Variants in PRIM2 observed in about 807,000 individuals in gnomAD.
PRIM2 encodes the protein DNA primase subunit 2.
Under a neutral mutation model 67.3 loss-of-function variants are expected in PRIM2, and 39 were observed. The ratio of observed to expected loss-of-function variants is 0.58; its 90% CI spans 0.45 to 0.76. The LOEUF is 0.76. PRIM2 is among the 30% of genes least tolerant of loss of function. The probability of loss-of-function intolerance (pLI) is 0.00; values close to 1 mark genes in which losing one functional copy is unlikely to be tolerated. For synonymous variants in PRIM2, 143 were observed against 198.7 expected (o/e 0.72, Z 2.36); for missense variants, 398 against 598.7 (o/e 0.66, Z 3.50).
chr6:57,596,706 T>C (rs1214336575), intron 10 of PRIM2, among the ~76,000 whole-genome samples: 2 of 142,110 alleles, frequency 1.4e-5, no homozygotes, highest in East Asian at 4.6e-4. Context: ...TTTCTTATTC[T>C]CTTAAAGTAT....
chr6:57,496,408 A>G (rs1774005354), intron 7 of PRIM2, among the ~76,000 whole-genome samples: 4 of 152,324 alleles, frequency 2.6e-5, no homozygotes, highest in South Asian at 2.1e-4. Context: ...AAGATACACA[A>G]CATGCACTAT....
At chr6:57,505,257 A>T (rs1774227290) in intron 7 of PRIM2, 1 of 152,236 alleles carries the variant, frequency 6.6e-6, no homozygotes, top group Non-Finnish European at 1.5e-5. Context: ...TCTTCCTTGA[A>T]ATAATTTTAC....
intron 3 of PRIM2, among the ~76,000 whole-genome samples, chr6:57,322,887 A>G (rs947745951): frequency 5.9e-5 from 9 of 152,172 alleles, no homozygotes; most frequent in Non-Finnish European, 1.2e-4. Context: ...GAAAGGTGCT[A>G]TAGTAGGGGT....
At chr6:57,507,287 T>C (rs1432096528) in intron 7 of PRIM2, 100 bp from the exon 8 acceptor site, 3 of 794,344 alleles carry the variant, frequency 3.8e-6, no homozygotes, top group Non-Finnish European at 5.8e-6. Flanking sequence ...TTTTAAGTAT[T>C]GCCTCCCTAT....
intron 10 of PRIM2, among the ~76,000 whole-genome samples, chr6:57,550,855 A>G (rs1215895111): frequency 3.9e-5 from 6 of 152,262 alleles, no homozygotes; most frequent in African/African-American, 1.4e-4. Context: ...CTCTGGACAA[A>G]TTGGGTACGT....
intron 7 of PRIM2, among the ~76,000 whole-genome samples, chr6:57,461,669 A>T (rs2127397354): frequency 6.6e-6 from 1 of 152,212 alleles, no homozygotes; most frequent in East Asian, 1.9e-4. Flanking sequence ...TTCATCTTGA[A>T]ACTCCAGAAA....
At chr6:57,296,542 T>G in the PRIM2 span, among the ~76,000 whole-genome samples, 2 of 151,944 alleles carry the variant, frequency 1.3e-5, no homozygotes, top group African/African-American at 4.8e-5. Context: ...TATGTATATA[T>G]AGAGAGGGTG....
intron 12 of PRIM2, among the ~76,000 whole-genome samples, chr6:57,610,868 A>T (rs1359142765): frequency 2.6e-5 from 4 of 152,184 alleles, no homozygotes; most frequent in Non-Finnish European, 5.9e-5. Context: ...TACCTAATTA[A>T]CATCTGTAGA....
chr6:57,546,806 G>A (rs1775297789), intron 10 of PRIM2, among the ~76,000 whole-genome samples: 1 of 152,144 alleles, frequency 6.6e-6, no homozygotes, highest in African/African-American at 2.4e-5. Flanking sequence ...ATTGTTGTAT[G>A]ATCTTATAGC....
At chr6:57,360,093 C>A (rs566190546) in intron 5 of PRIM2, among the ~76,000 whole-genome samples, 2 of 152,262 alleles carry the variant, frequency 1.3e-5, no homozygotes, top group African/African-American at 2.4e-5. Context: ...TTAAAGCAGA[C>A]CAAGTTTAAT....
At chr6:57,378,235 A>ATT (rs1046851698) in intron 5 of PRIM2, among the ~76,000 whole-genome samples, 1 of 146,242 alleles carries the variant, frequency 6.8e-6, no homozygotes, top group Non-Finnish European at 1.5e-5. Flanking sequence ...TAATGTTTTA[A>ATT]TTTTTTTTTT....
intron 7 of PRIM2, among the ~76,000 whole-genome samples, chr6:57,442,319 A>G (rs1772226612): frequency 6.6e-6 from 1 of 152,014 alleles, no homozygotes; most frequent in Non-Finnish European, 1.5e-5. Context: ...TGACTTACTG[A>G]GTCATTTTCT....
At chr6:57,531,979 C>T (rs1477851877) in intron 8 of PRIM2, among the ~76,000 whole-genome samples, 7 of 152,040 alleles carry the variant, frequency 4.6e-5, no homozygotes, top group African/African-American at 1.7e-4. Context: ...ATTATTATCG[C>T]CATTAGTCAA....
At chr6:57,474,420 C>G (rs1773424217) in intron 7 of PRIM2, among the ~76,000 whole-genome samples, 1 of 151,954 alleles carries the variant, frequency 6.6e-6, no homozygotes, top group African/African-American at 2.4e-5. Flanking sequence ...GTGATCTGCC[C>G]GCCTCAGCCT....
At chr6:57,586,389 G>A (rs1776187317) in intron 10 of PRIM2, among the ~76,000 whole-genome samples, 1 of 151,990 alleles carries the variant, frequency 6.6e-6, no homozygotes, top group Non-Finnish European at 1.5e-5. Context: ...GGGGAAGTGG[G>A]GACATTTCCA....
At chr6:57,231,477 T>C in the PRIM2 span, among the ~76,000 whole-genome samples, 15 of 152,180 alleles carry the variant, frequency 9.9e-5, no homozygotes, top group Non-Finnish European at 2.1e-4. Context: ...TTCTTTAATA[T>C]ACAAAGATCT....
At chr6:57,243,634 T>C in the PRIM2 span, among the ~76,000 whole-genome samples, 1 of 152,016 alleles carries the variant, frequency 6.6e-6, no homozygotes. Flanking sequence ...ACGCCCCGAC[T>C]CTTTTTTTTA....
At chr6:57,551,152 C>T (rs1775392043) in intron 10 of PRIM2, among the ~76,000 whole-genome samples, 1 of 152,092 alleles carries the variant, frequency 6.6e-6, no homozygotes, top group Non-Finnish European at 1.5e-5. Flanking sequence ...TATTTTGCAC[C>T]TGCCTGTGTG....
At chr6:57,620,755 C>A (rs1776838297) in intron 12 of PRIM2, among the ~76,000 whole-genome samples, 1 of 152,218 alleles carries the variant, frequency 6.6e-6, no homozygotes, top group Admixed American at 6.5e-5. Flanking sequence ...ATGTAAATGG[C>A]CTAAATGCTC....
Sources: allele counts gnomAD v4.1 joint callset (sites outside exome capture counted in the v4.1 genomes callset), GRCh38; gene constraint gnomAD v4.1.1; transcripts MANE v1.5; gene names NCBI Gene and HGNC (gene_info 2026-07-23, HGNC 2026-07-21).